ANGPT1: variants seen among roughly 807,000 people sequenced by gnomAD.
ANGPT1 encodes angiopoietin 1, also known as angiopoietin-1.
A neutral mutation model predicts 62.2 loss-of-function variants in ANGPT1; 17 were observed. The observed-to-expected ratio is 0.27, with a 90% CI of 0.19 to 0.41. ANGPT1 has a LOEUF of 0.41. Ranked by LOEUF, ANGPT1 falls within the 10% of genes least tolerant of loss-of-function variation. ANGPT1 has a pLI of 1.00. For missense variants in ANGPT1, 478 were observed against 594.9 expected (o/e 0.80, Z 2.04); for synonymous variants, 199 against 198.9 (o/e 1.00, Z 0.00).
At position 107,318,407 on chromosome 8, in the gene ANGPT1, G is replaced by A. The variant is rs1815070605; in HGVS notation, c.808+3489C>T. Among the ~76,000 whole-genome samples, 3 of 152,278 alleles carry A rather than the reference G, an allele frequency of 2.0e-5. No homozygotes were observed. The South Asian group carries it at 6.2e-4, about 32-fold the overall frequency. ...AACTAAACAAAAGCACTCTCTGAATGCAAAGATAGATTTACAGTTTCTGGA... is the reference window on the plus strand; with the variant it reads ...AACTAAACAAAAGCACTCTCTGAATACAAAGATAGATTTACAGTTTCTGGA... On this transcript the variant is annotated intron_variant, in intron 4 of 8. Coordinates refer to ENST00000517746, the MANE Select transcript of ANGPT1 (RefSeq NM_001146.5).
intron 7 of ANGPT1, among the ~76,000 whole-genome samples, chr8:107,276,704 C>A (rs998731875): frequency 6.6e-6 from 1 of 152,034 alleles, no homozygotes; most frequent in Non-Finnish European, 1.5e-5. Context: ...GGATCTGAGA[C>A]TTAGAAAAGT....
At chr8:107,322,359 T>C (rs576477933) in intron 3 of ANGPT1, among the ~76,000 whole-genome samples, 33 of 152,326 alleles carry the variant, frequency 2.2e-4, no homozygotes, top group South Asian at 1.9e-3. Flanking sequence ...TGTTTGCTTT[T>C]AACTATGATT....
At chr8:107,259,821 T>G (rs573899288) in intron 8 of ANGPT1, among the ~76,000 whole-genome samples, 6 of 152,072 alleles carry the variant, frequency 3.9e-5, no homozygotes, top group Non-Finnish European at 5.9e-5. Context: ...TCAAAGATTT[T>G]TTTTTAGCTG....
At chr8:107,325,087 A>T (rs1815255113) in intron 3 of ANGPT1, among the ~76,000 whole-genome samples, 1 of 152,148 alleles carries the variant, frequency 6.6e-6, no homozygotes, top group African/African-American at 2.4e-5. Context: ...TTACCATGTT[A>T]TTTTTCTTTG....
intron 8 of ANGPT1, among the ~76,000 whole-genome samples, chr8:107,261,566 G>A (rs867919686): frequency 1.4e-4 from 22 of 151,862 alleles, no homozygotes; most frequent in East Asian, 5.9e-4. Flanking sequence ...TTAGCCGGGC[G>A]TGGTGGCAGG....
chr8:107,455,866 G>A (rs903762079), intron 1 of ANGPT1, among the ~76,000 whole-genome samples: 1 of 151,942 alleles, frequency 6.6e-6, no homozygotes, highest in Non-Finnish European at 1.5e-5. Flanking sequence ...TCTTTTGTCA[G>A]TATTTTCAAG....
chr8:107,352,966 TA>T (rs200077164), intron 1 of ANGPT1, among the ~76,000 whole-genome samples: 50 of 151,358 alleles, frequency 3.3e-4, no homozygotes, highest in African/African-American at 1.1e-3. Flanking sequence ...ATGGCCTTAT[TA>T]AAAAAAAAGA....
At chr8:107,452,640 A>G (rs1030727082) in intron 1 of ANGPT1, among the ~76,000 whole-genome samples, 1 of 151,944 alleles carries the variant, frequency 6.6e-6, no homozygotes, top group African/African-American at 2.4e-5. Context: ...ACAGCCAGAG[A>G]AAATGGCTTC....
At chr8:107,451,201 G>A (rs1260707070) in intron 1 of ANGPT1, among the ~76,000 whole-genome samples, 1 of 151,650 alleles carries the variant, frequency 6.6e-6, no homozygotes, top group African/African-American at 2.4e-5. Context: ...ATTACCAACA[G>A]GAGACATCAA....
chr8:107,329,638 A>G (rs1365139130), intron 3 of ANGPT1, among the ~76,000 whole-genome samples: 1 of 151,464 alleles, frequency 6.6e-6, no homozygotes, highest in Non-Finnish European at 1.5e-5. Context: ...CACTATAAGT[A>G]TTTTTATTAG....
intron 4 of ANGPT1, among the ~76,000 whole-genome samples, chr8:107,313,950 GT>G (rs549728420): frequency 8.8e-4 from 134 of 152,222 alleles, no homozygotes; most frequent in African/African-American, 2.9e-3. Flanking sequence ...ATTTAATGCT[GT>G]TAATAAAACA....
chr8:107,303,502 C>T (rs1186034392), intron 4 of ANGPT1, 135 bp from the exon 5 acceptor site: 3 of 656,116 alleles, frequency 4.6e-6, no homozygotes, highest in Non-Finnish European at 7.2e-6. Context: ...AAAAGTCAAT[C>T]ATAAAGACAA....
At chr8:107,300,124 A>G (rs909995526) in intron 5 of ANGPT1, among the ~76,000 whole-genome samples, 12 of 145,346 alleles carry the variant, frequency 8.3e-5, no homozygotes, top group African/African-American at 3.0e-4. Flanking sequence ...TATAGTATAT[A>G]TATAGTATAG....
chr8:107,470,693 T>A (rs1812332682), intron 1 of ANGPT1, among the ~76,000 whole-genome samples: 2 of 151,972 alleles, frequency 1.3e-5, no homozygotes, highest in African/African-American at 4.8e-5. Flanking sequence ...GTTTTAGAAA[T>A]TTACAAGAAA....
At chr8:107,414,052 G>A (rs1402778616) in intron 1 of ANGPT1, among the ~76,000 whole-genome samples, 1 of 152,112 alleles carries the variant, frequency 6.6e-6, no homozygotes, top group African/African-American at 2.4e-5. Context: ...ATCTTCATCT[G>A]TTCATGATTG....
intron 7 of ANGPT1, chr8:107,284,286 A>G (rs1481445000): frequency 6.5e-6 from 1 of 152,842 alleles, no homozygotes; most frequent in African/African-American, 2.4e-5. Context: ...TGCTAATTCA[A>G]GAAAGGTCAT....
intron 4 of ANGPT1, among the ~76,000 whole-genome samples, chr8:107,306,694 G>T (rs1047029763): frequency 6.6e-6 from 1 of 152,008 alleles, no homozygotes; most frequent in Non-Finnish European, 1.5e-5. Context: ...GCTTCAGTTA[G>T]ATAGAAGATA....
intron 8 of ANGPT1, among the ~76,000 whole-genome samples, chr8:107,262,784 A>T (rs561835525): frequency 3.3e-5 from 5 of 152,318 alleles, no homozygotes; most frequent in South Asian, 4.1e-4. Flanking sequence ...TTCTCTTACA[A>T]TTTTGTTTGT....
At chr8:107,356,982 C>T (rs1301827166) in intron 1 of ANGPT1, among the ~76,000 whole-genome samples, 2 of 152,284 alleles carry the variant, frequency 1.3e-5, no homozygotes, top group Admixed American at 6.5e-5. Flanking sequence ...TACAAACATA[C>T]ACACAAATAC....
Sources: allele counts gnomAD v4.1 joint callset (sites outside exome capture counted in the v4.1 genomes callset), GRCh38; gene constraint gnomAD v4.1.1; transcripts MANE v1.5; gene names NCBI Gene and HGNC (gene_info 2026-07-23, HGNC 2026-07-21).